Variants in ATP8A2 observed in about 807,000 individuals in gnomAD.
The protein encoded by ATP8A2 is phospholipid-transporting ATPase IB.
ATP8A2 carries 100 observed loss-of-function variants against 165.6 expected under a neutral mutation model. The ratio of observed to expected loss-of-function variants is 0.60; its 90% CI spans 0.51 to 0.71. ATP8A2 has a LOEUF of 0.71. ATP8A2 is among the 30% of genes least tolerant of loss of function. The pLI is 0.00. For synonymous variants in ATP8A2, 543 were observed against 548.8 expected, an observed-to-expected ratio of 0.99 and a Z score of 0.15; for missense variants, 1,227 against 1,479.5, an observed-to-expected ratio of 0.83 and a Z score of 2.80.
At chr13:25,754,752 T>C (rs2044226053) in intron 25 of ATP8A2, among the ~76,000 whole-genome samples, 1 of 152,190 alleles carries the variant, frequency 6.6e-6, no homozygotes, top group Non-Finnish European at 1.5e-5. Context: ...TTTTTTAATA[T>C]AGCAAAAGAG....
intron 15 of ATP8A2, among the ~76,000 whole-genome samples, chr13:25,561,125 T>A (rs750289645): frequency 6.6e-6 from 1 of 152,196 alleles, no homozygotes; most frequent in Non-Finnish European, 1.5e-5. Flanking sequence ...GACCTCGTGA[T>A]CTGCCTGTCT....
intron 1 of ATP8A2, among the ~76,000 whole-genome samples, chr13:25,415,464 C>G (rs559939366): frequency 6.6e-6 from 1 of 152,246 alleles, no homozygotes; most frequent in Non-Finnish European, 1.5e-5. Flanking sequence ...CATTTATTCT[C>G]TAGCCTACAG....
chr13:25,619,875 C>T (rs1236568930), intron 24 of ATP8A2, among the ~76,000 whole-genome samples: 4 of 152,166 alleles, frequency 2.6e-5, no homozygotes, highest in South Asian at 2.1e-4. Context: ...ATGTGAAAAC[C>T]GTTCTTAGAT....
chr13:25,815,170 T>C (rs1321612967), intron 27 of ATP8A2, among the ~76,000 whole-genome samples: 5 of 152,048 alleles, frequency 3.3e-5, no homozygotes, highest in African/African-American at 9.7e-5. Flanking sequence ...ACCAAAAATA[T>C]AGGCAACAAC....
chr13:26,004,217 A>G (rs1303134015), intron 35 of ATP8A2, among the ~76,000 whole-genome samples: 1 of 152,018 alleles, frequency 6.6e-6, no homozygotes, highest in Non-Finnish European at 1.5e-5. Flanking sequence ...TTTTCTCTAT[A>G]TAGTCTTTTA....
At chr13:25,870,617 G>T (rs968906856) in intron 33 of ATP8A2, among the ~76,000 whole-genome samples, 3 of 152,214 alleles carry the variant, frequency 2.0e-5, no homozygotes, top group Non-Finnish European at 4.4e-5. Flanking sequence ...CTGAGGCTTA[G>T]AGAGAAAGGA....
At chr13:25,852,396 A>G (rs1316172335) in intron 30 of ATP8A2, among the ~76,000 whole-genome samples, 1 of 152,152 alleles carries the variant, frequency 6.6e-6, no homozygotes, top group Non-Finnish European at 1.5e-5. Flanking sequence ...GGGCTAATGA[A>G]ATGTCCACAC....
intron 1 of ATP8A2, among the ~76,000 whole-genome samples, chr13:25,449,786 A>G (rs1001426550): frequency 4.6e-5 from 7 of 152,176 alleles, no homozygotes; most frequent in African/African-American, 1.4e-4. Context: ...CCCCTTTATC[A>G]TGATGAAATG....
intron 25 of ATP8A2, among the ~76,000 whole-genome samples, chr13:25,754,263 G>A (rs1158173319): frequency 8.6e-4 from 3 of 3,492 alleles, no homozygotes; most frequent in African/African-American, 9.4e-4. Flanking sequence ...GAAAACTGAC[G>A]AAGAAGAACT....
At chr13:25,789,750 GA>G (rs2045119584) in intron 27 of ATP8A2, among the ~76,000 whole-genome samples, 1 of 152,138 alleles carries the variant, frequency 6.6e-6, no homozygotes, top group Non-Finnish European at 1.5e-5. Context: ...GAAACAAAAA[GA>G]AATGAGCCCC....
chr13:25,608,191 T>C (rs1004244731), intron 24 of ATP8A2, among the ~76,000 whole-genome samples: 4 of 152,290 alleles, frequency 2.6e-5, no homozygotes, highest in African/African-American at 9.6e-5. Context: ...TTTTGTGCTG[T>C]GTAAAAACCT....
chr13:25,769,426 T>C (rs768301906), intron 26 of ATP8A2, among the ~76,000 whole-genome samples, 197 bp downstream of exon 26: 1 of 152,182 alleles, frequency 6.6e-6, no homozygotes, highest in Non-Finnish European at 1.5e-5. Context: ...GTCCTGCTGA[T>C]TGGATTTCTC....
intron 24 of ATP8A2, chr13:25,591,480 C>T (rs2040076782): frequency 5.0e-6 from 2 of 396,502 alleles, no homozygotes; most frequent in South Asian, 3.8e-5. Flanking sequence ...GACCATGTGT[C>T]AGAATTTCGC....
intron 2 of ATP8A2, among the ~76,000 whole-genome samples, chr13:25,473,030 T>A (rs754443595): frequency 1.1e-4 from 16 of 152,202 alleles, no homozygotes; most frequent in African/African-American, 3.9e-4. Flanking sequence ...ATGGAATTGA[T>A]GTGACTGAAG....
intron 7 of ATP8A2, among the ~76,000 whole-genome samples, chr13:25,539,174 G>A (rs2038389567): frequency 6.6e-6 from 1 of 151,664 alleles, no homozygotes; most frequent in Non-Finnish European, 1.5e-5. Flanking sequence ...ATAGCTCACT[G>A]TAAGTTCAAA....
intron 33 of ATP8A2, among the ~76,000 whole-genome samples, chr13:25,872,941 G>C (rs1192631490): frequency 6.6e-6 from 1 of 151,570 alleles, no homozygotes; most frequent in African/African-American, 2.4e-5. Context: ...CAGTGTGTGT[G>C]TTGTAACTAC....
At chr13:25,380,435 T>C (rs2137921924) in intron 1 of ATP8A2, among the ~76,000 whole-genome samples, 1 of 152,298 alleles carries the variant, frequency 6.6e-6, no homozygotes, top group Middle Eastern at 3.4e-3. Context: ...TGAGTCATGG[T>C]TGAGCTGGGC....
At chr13:25,457,211 T>G (rs2035387673) in intron 1 of ATP8A2, among the ~76,000 whole-genome samples, 1 of 152,190 alleles carries the variant, frequency 6.6e-6, no homozygotes, top group South Asian at 2.1e-4. Context: ...GAATGGCTAC[T>G]GGGATTTCTT....
intron 35 of ATP8A2, among the ~76,000 whole-genome samples, chr13:25,980,800 G>T (rs1328558197): frequency 2.0e-5 from 3 of 152,182 alleles, no homozygotes; most frequent in African/African-American, 7.2e-5. Context: ...GAGTCCAGGA[G>T]TTTGAGGCTG....
Sources: gnomAD v4.1 joint callset for allele counts (sites outside exome capture counted in the v4.1 genomes callset) on GRCh38, gnomAD v4.1.1 for gene constraint, MANE v1.5 for transcripts, NCBI Gene and HGNC (gene_info 2026-07-23, HGNC 2026-07-21) for gene names.